Variants in NXPE2 observed in about 807,000 individuals in gnomAD.
NXPE2 encodes NXPE family member 2.
Under a neutral mutation model 34.4 loss-of-function variants are expected in NXPE2, and 34 were observed. The ratio of observed to expected loss-of-function variants is 0.99; its 90% CI spans 0.75 to 1.31. The LOEUF (loss-of-function observed/expected upper bound fraction) is 1.31. Ranked by LOEUF, NXPE2 falls within the 40% of genes most tolerant of loss-of-function variation. NXPE2 has a pLI of 0.00. For missense variants in NXPE2, 649 were observed against 672.5 expected, an observed-to-expected ratio of 0.97 and a Z score of 0.39; for synonymous variants, 235 against 231.3, an observed-to-expected ratio of 1.02 and a Z score of -0.15.
chr11:114,807,448 T>A, the NXPE2 span, among the ~76,000 whole-genome samples: 1 of 151,880 alleles, frequency 6.6e-6, no homozygotes, highest in African/African-American at 2.4e-5. Context: ...AGGAAACCCA[T>A]CTCACATGCA....
chr11:114,691,530 C>T (rs1329658348), intron 2 of NXPE2, among the ~76,000 whole-genome samples: 1 of 152,062 alleles, frequency 6.6e-6, no homozygotes, highest in Non-Finnish European at 1.5e-5. Flanking sequence ...GAATCGTGCC[C>T]TCTCCCAGCA....
the NXPE2 span, among the ~76,000 whole-genome samples, chr11:114,668,443 G>T: frequency 6.6e-6 from 1 of 151,716 alleles, no homozygotes; most frequent in East Asian, 2.0e-4. Flanking sequence ...AATACACAGA[G>T]GATACAGAAA....
chr11:114,527,618 T>C, the NXPE2 span, among the ~76,000 whole-genome samples: 1 of 152,200 alleles, frequency 6.6e-6, no homozygotes, highest in African/African-American at 2.4e-5. Context: ...TAAACACGAA[T>C]GTAGATACTA....
At chr11:114,684,578 CT>C (rs1013892953) in intron 2 of NXPE2, among the ~76,000 whole-genome samples, 1 of 152,046 alleles carries the variant, frequency 6.6e-6, no homozygotes, top group Middle Eastern at 3.4e-3. Flanking sequence ...AAAATAAGCA[CT>C]TGGCTGAGGA....
At chr11:114,661,339 T>A in the NXPE2 span, among the ~76,000 whole-genome samples, 1 of 152,202 alleles carries the variant, frequency 6.6e-6, no homozygotes, top group African/African-American at 2.4e-5. Flanking sequence ...TCTGCAAAGG[T>A]TCTTGAGTCT....
chr11:114,798,853 A>G, the NXPE2 span, among the ~76,000 whole-genome samples: 1 of 151,888 alleles, frequency 6.6e-6, no homozygotes, highest in East Asian at 1.9e-4. Context: ...ATCTCTTTCA[A>G]TCTGTACCTT....
At chr11:114,681,879 T>C (rs531236949) in intron 2 of NXPE2, among the ~76,000 whole-genome samples, 8 of 152,316 alleles carry the variant, frequency 5.3e-5, no homozygotes, top group African/African-American at 1.9e-4. Flanking sequence ...ATTAGTAATA[T>C]CTTAAAGGAT....
rs964749730 is a variant in NXPE2, at chr11:114,704,021, C to T, written c.897C>T (p.Asn299=). 3.2e-6 allele frequency: 5 copies of T among 1,551,850 alleles called. No individual in the cohort carries two copies. In the African/African-American group the frequency reaches 5.5e-5, roughly 17 times the overall value. ...ACATAGGAGTTGAAATGATGAAGAACTTTACCCCCATTGAGGTCATACCAT... is the reference window on the plus strand; with the variant it reads ...ACATAGGAGTTGAAATGATGAAGAATTTTACCCCCATTGAGGTCATACCAT... The part of the protein sequence containing the change: ...RSNIGVEMMK[N]FTPIEVIPCN... Residue 299 remains asparagine (N), a synonymous_variant, in exon 4 of 6, where the codon AAC becomes AAT. Coordinates refer to ENST00000389586, the MANE Select transcript of NXPE2 (RefSeq NM_182495.6).
the NXPE2 span, among the ~76,000 whole-genome samples, chr11:114,620,853 C>A: frequency 6.6e-6 from 1 of 151,990 alleles, no homozygotes; most frequent in Non-Finnish European, 1.5e-5. Context: ...TTGTGGGTAA[C>A]CACTGTTACC....
the NXPE2 span, chr11:114,594,826 A>C: frequency 1.1e-6 from 1 of 903,310 alleles, no homozygotes; most frequent in Non-Finnish European, 1.7e-6. Flanking sequence ...AGAAAAGCAA[A>C]CAAACATGGG....
chr11:114,650,208 A>G, the NXPE2 span, among the ~76,000 whole-genome samples: 3 of 152,180 alleles, frequency 2.0e-5, no homozygotes, highest in African/African-American at 7.2e-5. Flanking sequence ...TACACAAACG[A>G]TTTCATCTTT....
chr11:114,625,476 A>T, the NXPE2 span, among the ~76,000 whole-genome samples: 1 of 152,118 alleles, frequency 6.6e-6, no homozygotes, highest in African/African-American at 2.4e-5. Flanking sequence ...CACCCGGTGG[A>T]TAATATGTAT....
the NXPE2 span, chr11:114,513,547 T>G: frequency 6.1e-6 from 1 of 162,924 alleles, no homozygotes; most frequent in Non-Finnish European, 1.3e-5. Flanking sequence ...ATTTATATCT[T>G]TATTCATATA....
At chr11:114,629,055 A>T in the NXPE2 span, among the ~76,000 whole-genome samples, 1 of 152,138 alleles carries the variant, frequency 6.6e-6, no homozygotes, top group Non-Finnish European at 1.5e-5. Context: ...AAAAGAGTCC[A>T]GGACCAGATG....
At chr11:114,481,415 T>C in the NXPE2 span, among the ~76,000 whole-genome samples, 3 of 152,176 alleles carry the variant, frequency 2.0e-5, no homozygotes, top group Admixed American at 6.5e-5. Context: ...AGCAGTACAC[T>C]ATCTCAGATA....
chr11:114,766,940 T>G, the NXPE2 span, among the ~76,000 whole-genome samples: 1 of 152,268 alleles, frequency 6.6e-6, no homozygotes, highest in East Asian at 1.9e-4. Flanking sequence ...TAGTTGTGTT[T>G]TTTATTCTCT....
chr11:114,660,256 A>AT, the NXPE2 span, among the ~76,000 whole-genome samples: 11 of 152,002 alleles, frequency 7.2e-5, no homozygotes, highest in Non-Finnish European at 1.0e-4. Flanking sequence ...AATTCTACTG[A>AT]TTTTTTTCAG....
chr11:114,556,685 AT>A, the NXPE2 span, among the ~76,000 whole-genome samples: 1 of 151,880 alleles, frequency 6.6e-6, no homozygotes, highest in South Asian at 2.1e-4. Flanking sequence ...CTTTCATATC[AT>A]TTTTTAAAAT....
At chr11:114,739,476 C>T in the NXPE2 span, among the ~76,000 whole-genome samples, 147,012 of 150,874 alleles carry the variant, frequency 0.97, 71,737 homozygotes, top group Middle Eastern at 1. Context: ...TTCAGTAAAA[C>T]TGACTAATAA....
Sources: gnomAD v4.1 joint callset for allele counts (sites outside exome capture counted in the v4.1 genomes callset) on GRCh38, gnomAD v4.1.1 for gene constraint, MANE v1.5 for transcripts, NCBI Gene and HGNC (gene_info 2026-07-23, HGNC 2026-07-21) for gene names.